COL25A1: variants seen among roughly 807,000 people sequenced by gnomAD.
The protein encoded by COL25A1 is collagen alpha-1(XXV) chain.
A neutral mutation model predicts 128.4 loss-of-function variants in COL25A1; 103 were observed. The ratio of observed to expected loss-of-function variants is 0.80; its 90% CI spans 0.68 to 0.94. The LOEUF is 0.94. Among genes scored for constraint, COL25A1 ranks in the 40% least tolerant of loss-of-function variants. The probability of loss-of-function intolerance (pLI) is 0.00; values close to 1 mark genes in which losing one functional copy is unlikely to be tolerated. For missense variants in COL25A1, 745 were observed against 840.0 expected, an observed-to-expected ratio of 0.89 and a Z score of 1.40; for synonymous variants, 279 against 277.2, an observed-to-expected ratio of 1.01 and a Z score of -0.06.
chr4:109,241,286 C>G (rs1457003573), intron 3 of COL25A1, among the ~76,000 whole-genome samples: 1 of 151,976 alleles, frequency 6.6e-6, no homozygotes, highest in Non-Finnish European at 1.5e-5. Flanking sequence ...AATTTTTCCT[C>G]TATTTTGAAG....
chr4:109,191,909 TG>T (rs1360422209), intron 3 of COL25A1, among the ~76,000 whole-genome samples: 1 of 152,190 alleles, frequency 6.6e-6, no homozygotes, highest in Non-Finnish European at 1.5e-5. Flanking sequence ...TCTAAATTAC[TG>T]TAATCAAAGT....
At chr4:109,075,446 C>T (rs187750556) in intron 3 of COL25A1, among the ~76,000 whole-genome samples, 33 of 151,868 alleles carry the variant, frequency 2.2e-4, no homozygotes, top group Admixed American at 5.9e-4. Context: ...ACTAGAGTCA[C>T]GTTTGAAGGG....
chr4:108,915,807 A>G (rs1744814041), intron 13 of COL25A1, among the ~76,000 whole-genome samples: 1 of 152,190 alleles, frequency 6.6e-6, no homozygotes, highest in Non-Finnish European at 1.5e-5. Context: ...TGTAATGGAG[A>G]AGAAAATGTT....
chr4:108,853,975 A>T (rs967892333), intron 24 of COL25A1: 1 of 152,158 alleles, frequency 6.6e-6, no homozygotes, highest in Non-Finnish European at 1.5e-5. Context: ...TGCAATAAAC[A>T]CACATGTGCA....
At chr4:109,032,808 T>TGAGG (rs1758992966) in intron 5 of COL25A1, among the ~76,000 whole-genome samples, 1 of 152,220 alleles carries the variant, frequency 6.6e-6, no homozygotes, top group Non-Finnish European at 1.5e-5. Context: ...AAATAACTGC[T>TGAGG]GAGGGATGAA....
At chr4:108,895,063 T>A (rs993364519) in intron 16 of COL25A1, among the ~76,000 whole-genome samples, 2 of 152,158 alleles carry the variant, frequency 1.3e-5, no homozygotes, top group African/African-American at 2.4e-5. Context: ...ATGTCAATAA[T>A]GCTGAGGTTG....
intron 3 of COL25A1, among the ~76,000 whole-genome samples, chr4:109,097,132 T>C (rs1261761873): frequency 6.6e-6 from 1 of 152,218 alleles, no homozygotes; most frequent in Non-Finnish European, 1.5e-5. Flanking sequence ...CAGGAAAAAC[T>C]GGCCTGTTTA....
intron 3 of COL25A1, among the ~76,000 whole-genome samples, chr4:109,149,740 T>C (rs1263491416): frequency 1.3e-5 from 2 of 152,172 alleles, no homozygotes; most frequent in Non-Finnish European, 2.9e-5. Flanking sequence ...ACAATTGGAA[T>C]GTTTTAAATG....
intron 3 of COL25A1, among the ~76,000 whole-genome samples, chr4:109,070,175 A>G: frequency 6.6e-6 from 1 of 151,766 alleles, no homozygotes; most frequent in African/African-American, 2.4e-5. Context: ...GGAGAATGGC[A>G]TGAACCCAAG....
intron 3 of COL25A1, among the ~76,000 whole-genome samples, chr4:109,091,538 T>C (rs530899819): frequency 2.0e-4 from 31 of 152,206 alleles, no homozygotes; most frequent in Admixed American, 1.0e-3. Flanking sequence ...TCTGTCTATC[T>C]AGCCTATACT....
intron 3 of COL25A1, among the ~76,000 whole-genome samples, chr4:109,116,357 T>C (rs1268186910): frequency 6.6e-6 from 1 of 152,056 alleles, no homozygotes; most frequent in East Asian, 1.9e-4. Context: ...GCATAGCCTG[T>C]TGCGATTTTA....
chr4:109,141,375 G>T (rs1327025576), intron 3 of COL25A1, among the ~76,000 whole-genome samples: 2 of 152,172 alleles, frequency 1.3e-5, no homozygotes, highest in East Asian at 3.8e-4. Context: ...GTTCATCAGG[G>T]ATACTGGCCA....
Position 108,937,838 on chromosome 4 carries a change from T to G in COL25A1, c.678A>C (p.Glu226Asp). 1 of 1,607,008 alleles carries G rather than the reference T, an allele frequency of 6.2e-7. No individual in the cohort carries two copies. The highest frequency in any genetic ancestry group is 8.5e-7 in the Non-Finnish European group (1 of 1,177,178). ...GPRGMPGVPGEPGKPGEQGLM... is the reference protein window; with the variant it reads ...GPRGMPGVPGDPGKPGEQGLM... ...AGCCTTGTTCTCCTGGCTTTCCTGG[T>G]TCACCCTTAAAAAAGAATAGTGATA... is the stretch of plus-strand genomic sequence containing the variant. Residue 226 changes from glutamate (E) to aspartate (D), a missense_variant, in exon 11 of 38, where the codon GAA (glutamate) becomes GAC (aspartate). This residue lies in a region of COL25A1 where 319 missense variants were observed against 324.9 expected (regional missense o/e 0.98). Coordinates refer to ENST00000399132, the MANE Select transcript of COL25A1 (RefSeq NM_198721.4).
At chr4:109,240,258 T>C (rs1351572390) in intron 3 of COL25A1, among the ~76,000 whole-genome samples, 1 of 152,118 alleles carries the variant, frequency 6.6e-6, no homozygotes, top group African/African-American at 2.4e-5. Context: ...TTTGTATGAC[T>C]GGAAGTGCAG....
intron 3 of COL25A1, among the ~76,000 whole-genome samples, chr4:109,293,094 A>G (rs1724626818): frequency 6.6e-6 from 1 of 152,084 alleles, no homozygotes; most frequent in African/African-American, 2.4e-5. Context: ...TAATACAAAC[A>G]ACTTAACCTT....
rs1560852025 is a variant in COL25A1, at chr4:108,913,173, C to T, written c.780+4999G>A. 2.0e-5 allele frequency among the ~76,000 whole-genome samples: 3 copies of T among 146,768 alleles called. No homozygotes were observed. In the South Asian group the frequency reaches 6.9e-4, roughly 34 times the overall value. ...ATTTCATTTTAATCCTGAAAATATTCAACATTATTTTTATAGTAATCAAGA... is the reference window on the plus strand; with the variant it reads ...ATTTCATTTTAATCCTGAAAATATTTAACATTATTTTTATAGTAATCAAGA... On this transcript the variant is annotated intron_variant, in intron 13 of 37. Transcript: ENST00000399132.
intron 26 of COL25A1, among the ~76,000 whole-genome samples, chr4:108,850,703 A>G (rs1735664792): frequency 6.6e-6 from 1 of 152,156 alleles, no homozygotes; most frequent in Non-Finnish European, 1.5e-5. Context: ...CTAGGCCATA[A>G]GCCCTTTATT....
At chr4:109,019,157 A>G (rs901226738) in intron 5 of COL25A1, among the ~76,000 whole-genome samples, 2 of 151,868 alleles carry the variant, frequency 1.3e-5, no homozygotes, top group African/African-American at 4.8e-5. Context: ...CAGGCAGAAA[A>G]ACATGAAAAA....
chr4:109,193,728 T>C (rs1775801102), intron 3 of COL25A1, among the ~76,000 whole-genome samples: 1 of 152,188 alleles, frequency 6.6e-6, no homozygotes, highest in African/African-American at 2.4e-5. Flanking sequence ...AGGAGTCCCC[T>C]GTTGCTCCTG....
Sources: gnomAD v4.1 joint callset for allele counts (sites outside exome capture counted in the v4.1 genomes callset) on GRCh38, gnomAD v4.1.1 for gene constraint, gnomAD v4.1.1 regional missense constraint, MANE v1.5 for transcripts, NCBI Gene and HGNC (gene_info 2026-07-23, HGNC 2026-07-21) for gene names.